The following KIAA0753 variants were observed in gnomAD, a reference collection of about 807,000 sequenced individuals.
KIAA0753 encodes protein moonraker.
In KIAA0753, 114 loss-of-function variants were observed where a neutral mutation model predicts 116.9. The ratio of observed to expected loss-of-function variants is 0.98; its 90% confidence interval spans 0.84 to 1.14. KIAA0753 has a LOEUF of 1.14. KIAA0753 is among the 50% of genes most tolerant of loss of function. KIAA0753 has a pLI of 0.00. For synonymous variants in KIAA0753, 405 were observed against 413.1 expected, an observed-to-expected ratio of 0.98 and a Z score of 0.24; for missense variants, 1,156 against 1,172.4, an observed-to-expected ratio of 0.99 and a Z score of 0.20.
intron 7 of KIAA0753, among the ~76,000 whole-genome samples, chr17:6,615,401 C>T (rs974103391): frequency 1.7e-4 from 26 of 151,906 alleles, no homozygotes; most frequent in Admixed American, 1.1e-3. Context: ...GTGATGCTGG[C>T]GATTCAGATA....
chr17:6,582,924 CGT>C (rs1968287911), intron 18 of KIAA0753, among the ~76,000 whole-genome samples: 3 of 152,314 alleles, frequency 2.0e-5, no homozygotes, highest in Admixed American at 6.5e-5. Context: ...ATATTTTAAA[CGT>C]GTGAGTACAC....
At chr17:6,593,690 C>A (rs1969254901) in intron 16 of KIAA0753, among the ~76,000 whole-genome samples, 1 of 152,170 alleles carries the variant, frequency 6.6e-6, no homozygotes, top group Non-Finnish European at 1.5e-5. Context: ...CATGGCGAAA[C>A]CCTGGCCAAC....
In KIAA0753 at chr17:6,610,157, GT is replaced by G; in HGVS notation, c.1548del (p.Leu517SerfsTer27). ...TGTCTACCTCTTTCAGCTTTGCGGAGTCCCTGTGAGAGATAAGTAAGAATTA... is the reference window on the plus strand; with the variant it reads ...TGTCTACCTCTTTCAGCTTTGCGGAGCCCTGTGAGAGATAAGTAAGAATTA... ...KDTLAPARQQGLRKAERGRQS... is the reference protein window; with the variant it reads ...KDTLAPARQQXLRKAERGRQS... On this transcript the variant is annotated frameshift_variant and splice_region_variant, in exon 9 of 19. Coordinates refer to ENST00000361413, the MANE Select transcript of KIAA0753 (RefSeq NM_014804.3). LOFTEE classifies it high-confidence loss of function. 1.2e-6 allele frequency: 2 copies of G among 1,613,996 alleles called. No individual in the cohort carries two copies. The highest frequency in any genetic ancestry group is 1.7e-6 in the Non-Finnish European group (2 of 1,179,922).
intron 12 of KIAA0753, among the ~76,000 whole-genome samples, chr17:6,603,334 C>T (rs558263132): frequency 6.6e-6 from 1 of 152,176 alleles, no homozygotes; most frequent in South Asian, 2.1e-4. Flanking sequence ...AATTGCCAGG[C>T]TTAAAAGGTC....
chr17:6,588,308 G>A (rs1414598847), intron 18 of KIAA0753, among the ~76,000 whole-genome samples: 2 of 152,112 alleles, frequency 1.3e-5, no homozygotes, highest in Admixed American at 1.3e-4. Flanking sequence ...AACAGGATAT[G>A]CGCCATCAAA....
chr17:6,619,421 C>T (rs60362883), intron 7 of KIAA0753, among the ~76,000 whole-genome samples: 76,378 of 151,890 alleles, frequency 0.5, 19,890 homozygotes, highest in East Asian at 0.71. Context: ...ACTTTTCTAT[C>T]TGTAAGTTCT....
At chr17:6,634,095 CTTTT>C (rs59023654) in intron 2 of KIAA0753, among the ~76,000 whole-genome samples, 4 of 130,178 alleles carry the variant, frequency 3.1e-5, no homozygotes, top group African/African-American at 5.7e-5. Context: ...AGGGTGAATT[CTTTT>C]TTTTTTTTTT....
At chr17:6,595,666 T>A (rs939745410) in intron 15 of KIAA0753, among the ~76,000 whole-genome samples, 2 of 152,242 alleles carry the variant, frequency 1.3e-5, no homozygotes, top group African/African-American at 4.8e-5. Context: ...TACTTCCTTA[T>A]TGTACCTCAT....
chr17:6,601,278 TAGG>T (rs1969855951), intron 12 of KIAA0753, among the ~76,000 whole-genome samples: 1 of 152,190 alleles, frequency 6.6e-6, no homozygotes, highest in Non-Finnish European at 1.5e-5. Flanking sequence ...TTTCCAACTC[TAGG>T]AGAAGTCTGA....
rs186059171 is a variant in KIAA0753 at position 6,580,753 on chromosome 17, T to C, written c.2787-889A>G. 7.2e-5 allele frequency among the ~76,000 whole-genome samples: 11 copies of C among 152,238 alleles called. No homozygotes were observed. The East Asian group carries it at 1.4e-3, about 19-fold the overall frequency. ...AGGATGGACTTCATCCTCAATGTGT[T>C]TGAAACCAGAGGCGACCAGAAACTA... On this transcript the variant is annotated intron_variant, in intron 18 of 18. Coordinates refer to ENST00000361413, the MANE Select transcript of KIAA0753 (RefSeq NM_014804.3).
At chr17:6,610,516 C>CTTTTTTTT (rs71157206) in intron 8 of KIAA0753, among the ~76,000 whole-genome samples, 13 of 113,446 alleles carry the variant, frequency 1.1e-4, no homozygotes, top group East Asian at 2.5e-4. Context: ...TTTTCTTTCT[C>CTTTTTTTT]TTTTTTTTTT....
At chr17:6,606,503 G>A (rs1970203329) in intron 12 of KIAA0753, among the ~76,000 whole-genome samples, 1 of 152,192 alleles carries the variant, frequency 6.6e-6, no homozygotes, top group South Asian at 2.1e-4. Context: ...CGAAACTAAA[G>A]TAGCTATATG....
rs778291243 is a variant in KIAA0753 at position 6,628,502 on chromosome 17, T to A, written c.333A>T (p.Arg111Ser). Reference sequence around the variant, plus strand: ...GTTCTTTTATATGTTTTTCAAATTGTCTTCGTTTCACATCTCTTCTGGCTA... The same window carrying A: ...GTTCTTTTATATGTTTTTCAAATTGACTTCGTTTCACATCTCTTCTGGCTA... Reference protein sequence around the residue: ...VHLARRDVKRRQFEKHIKEHH... With the variant: ...VHLARRDVKRSQFEKHIKEHH... Residue 111 changes from arginine to serine, a missense_variant, in exon 3 of 19, where the codon AGA becomes AGT. By Grantham distance (110) the Arg-to-Ser change is moderately radical. Coordinates refer to ENST00000361413, the MANE Select transcript of KIAA0753 (RefSeq NM_014804.3). 6.2e-7 allele frequency: 1 copy of A among 1,614,228 alleles called. No homozygotes were observed. Among genetic ancestry groups the A allele is most frequent in the East Asian group, 2.2e-5 (1 of 44,894 alleles).
intron 12 of KIAA0753, among the ~76,000 whole-genome samples, chr17:6,603,626 C>CT (rs1970011676): frequency 6.6e-6 from 1 of 152,232 alleles, no homozygotes; most frequent in Admixed American, 6.5e-5. Context: ...GGCACATCAC[C>CT]TAGGGACACT....
At chr17:6,599,590 C>T (rs779372437) in intron 13 of KIAA0753, among the ~76,000 whole-genome samples, 2 of 152,116 alleles carry the variant, frequency 1.3e-5, no homozygotes, top group African/African-American at 2.4e-5. Context: ...CTCTGTTCCA[C>T]AGCTTCCTCA....
At chr17:6,590,664 A>G (rs376820565) in intron 16 of KIAA0753, 34 bp from the exon 17 acceptor site, 5 of 1,611,326 alleles carry the variant, frequency 3.1e-6, no homozygotes, top group African/African-American at 2.7e-5. Flanking sequence ...GACTGCATAT[A>G]AAGAACAGTT....
chr17:6,632,804 A>G (rs532258922), intron 2 of KIAA0753, among the ~76,000 whole-genome samples: 6 of 152,318 alleles, frequency 3.9e-5, no homozygotes, highest in Admixed American at 3.9e-4. Flanking sequence ...CTGTGAGAAG[A>G]CATCAGGCAA....
Position 6,628,506 on chromosome 17 carries a change from C to T in KIAA0753, c.329G>A (p.Arg110Gln), listed in dbSNP as rs1174601461. The change falls in exon 3 of 19, where the codon CGA becomes CAA. Residue 110 changes from arginine to glutamine, a missense_variant. Coordinates refer to ENST00000361413, the MANE Select transcript of KIAA0753 (RefSeq NM_014804.3). Reference protein sequence around the residue: ...AVHLARRDVKRRQFEKHIKEH... With the variant: ...AVHLARRDVKQRQFEKHIKEH... ...TTTTATATGTTTTTCAAATTGTCTT[C>T]GTTTCACATCTCTTCTGGCTAGGTG... is the stretch of plus-strand genomic sequence containing the variant. 3 of 1,614,046 alleles carry T rather than the reference C, an allele frequency of 1.9e-6. No homozygotes were observed. Among genetic ancestry groups the T allele is most frequent in the Non-Finnish European group, 2.5e-6 (3 of 1,180,030 alleles).
intron 12 of KIAA0753, 125 bp from the exon 13 acceptor site, chr17:6,600,583 A>G (rs1969799807): frequency 3.0e-6 from 2 of 663,026 alleles, no homozygotes; most frequent in Admixed American, 5.2e-5. Context: ...GTTCATGGCC[A>G]TATCAATCTC....
Sources: allele counts gnomAD v4.1 joint callset (sites outside exome capture counted in the v4.1 genomes callset), GRCh38; gene constraint gnomAD v4.1.1; transcripts MANE v1.5; gene names NCBI Gene and HGNC (gene_info 2026-07-23, HGNC 2026-07-21).